Variants in QSER1 observed in about 807,000 individuals in gnomAD.
QSER1 encodes the protein glutamine and serine-rich protein 1.
Under a neutral mutation model 158.5 loss-of-function variants are expected in QSER1, and 49 were observed. That is an observed-to-expected ratio of 0.31 (90% CI 0.25 to 0.39). QSER1 has a LOEUF of 0.39. Ranked by LOEUF, QSER1 falls within the 10% of genes least tolerant of loss-of-function variation. QSER1 has a pLI of 1.00. For synonymous variants in QSER1, 650 were observed against 715.5 expected, an observed-to-expected ratio of 0.91 and a Z score of 1.46; for missense variants, 1,754 against 2,010.3, an observed-to-expected ratio of 0.87 and a Z score of 2.44.
chr11:32,935,431 A>G lies in QSER1; in HGVS notation c.4173A>G (p.Lys1391=). 1 of 1,499,756 alleles carries G rather than the reference A, an allele frequency of 6.7e-7. No individual in the cohort carries two copies. The highest frequency in any genetic ancestry group is 2.3e-5 in the East Asian group (1 of 43,640). The allele number at this position is 1,499,756 out of a possible 1,614,324, so 92.9% of individuals were successfully genotyped here. Residue 1391 remains lysine (K), a synonymous_variant, in exon 4 of 13, where the codon AAA becomes AAG. Transcript: ENST00000650167. ...ATGCTACTTCTGATAAAAAGAAGAA[A>G]ACAGGTAAAGTTTTACAATTTAGAT... ...TLDATSDKKK[K]TEALQVATTS...
At position 32,892,899 on chromosome 11, in the gene QSER1, C is replaced by T. The variant is rs1416179625; in HGVS notation, c.-227C>T. Reference sequence around the variant, plus strand: ...CCCGGCCGCGGGTGCCTCCGCTTCCCTGACGCCCAGCTGGGGCCTCGCCGC... The same window carrying T: ...CCCGGCCGCGGGTGCCTCCGCTTCCTTGACGCCCAGCTGGGGCCTCGCCGC... On this transcript the variant is annotated 5_prime_UTR_variant, in exon 1 of 13. Coordinates refer to ENST00000650167, the MANE Select transcript of QSER1 (RefSeq NM_001076786.3). Among the ~76,000 whole-genome samples, 1 of 142,978 alleles carries T rather than the reference C, an allele frequency of 7.0e-6. No individual in the cohort carries two copies. The highest frequency in any genetic ancestry group is 1.5e-5 in the Non-Finnish European group (1 of 65,042). The allele number at this position is 142,978 out of a possible 152,430, so 93.8% of individuals were successfully genotyped here.
intron 1 of QSER1, among the ~76,000 whole-genome samples, chr11:32,914,562 T>C (rs754167323): frequency 1.3e-5 from 2 of 152,250 alleles, no homozygotes; most frequent in Non-Finnish European, 2.9e-5. Context: ...ACTGGCTTGT[T>C]TTCTCAGATT....
intron 1 of QSER1, among the ~76,000 whole-genome samples, chr11:32,923,949 A>G (rs537593904): frequency 6.6e-6 from 1 of 152,298 alleles, no homozygotes; most frequent in Non-Finnish European, 1.5e-5. Flanking sequence ...GCCTGGCGAC[A>G]GAGCAAGACT....
intron 8 of QSER1, among the ~76,000 whole-genome samples, chr11:32,960,810 GTTCC>G (rs1852609996): frequency 6.6e-6 from 1 of 152,116 alleles, no homozygotes; most frequent in South Asian, 2.1e-4. Flanking sequence ...AGGCCTTTTT[GTTCC>G]TTGCTTTACA....
chr11:32,927,598 G>A (rs1851989738), intron 2 of QSER1, among the ~76,000 whole-genome samples: 3 of 152,034 alleles, frequency 2.0e-5, no homozygotes, highest in South Asian at 2.1e-4. Flanking sequence ...TAGTAGAGGC[G>A]GGGTTTCACC....
chr11:32,976,483 C>T lies in QSER1; in HGVS notation c.*9C>T, dbSNP rs778859008. The T allele has an allele frequency of 3.1e-6, 5 of 1,609,270 alleles. No individual in the cohort carries two copies. The highest frequency in any genetic ancestry group is 2.2e-5 in the East Asian group (1 of 44,638). On this transcript the variant is annotated 3_prime_UTR_variant, in exon 13 of 13. Coordinates refer to ENST00000650167, the MANE Select transcript of QSER1 (RefSeq NM_001076786.3). ...AGCAGAAATGTTCCTGACTTTTCCA[C>T]AAAAATCCCATCTTTTTATAGCACT...
chr11:32,964,717 CATATATATATAT>C (rs375985842), intron 8 of QSER1, among the ~76,000 whole-genome samples: 10 of 64,262 alleles, frequency 1.6e-4, no homozygotes, highest in Non-Finnish European at 2.6e-4. Context: ...AAAAAAACAC[CATATATATATAT>C]ATATATATAT....
At chr11:32,957,746 A>AT (rs1852545290) in intron 7 of QSER1, 123 bp from the exon 8 acceptor site, 2 of 795,080 alleles carry the variant, frequency 2.5e-6, no homozygotes, top group African/African-American at 3.5e-5. Flanking sequence ...TGGACTGTAT[A>AT]TTTTGAAGGT....
At chr11:32,970,323 C>T (rs920993234) in intron 10 of QSER1, among the ~76,000 whole-genome samples, 3 of 151,962 alleles carry the variant, frequency 2.0e-5, no homozygotes, top group East Asian at 3.8e-4. Flanking sequence ...GCCATGTATT[C>T]GCAGGAAGAA....
intron 1 of QSER1, chr11:32,926,755 CT>C (rs1325045423): frequency 2.6e-5 from 4 of 152,130 alleles, no homozygotes; most frequent in Non-Finnish European, 4.4e-5. Context: ...GTTATTTCAT[CT>C]GGTCCTTTTT....
In QSER1 at chr11:32,978,478, A is replaced by C. The variant is rs147265575; in HGVS notation, c.*2004A>C. ...CAGCCTACGTTCCTAAATCATTGAT[A>C]ATTTAAATATTTTTTAAAGCCACCT... On this transcript the variant is annotated 3_prime_UTR_variant, in exon 13 of 13. Coordinates refer to ENST00000650167, the MANE Select transcript of QSER1 (RefSeq NM_001076786.3). 2.6e-5 allele frequency: 4 copies of C among 152,346 alleles called. No individual in the cohort carries two copies. The East Asian group carries it at 7.7e-4, about 29-fold the overall frequency. 9.4% of individuals were successfully genotyped at this position (152,346 alleles called of 1,614,324 possible). A position where few individuals can be genotyped will look rare whatever the true frequency, so the allele number is the denominator to read the frequency against.
Position 32,934,482 on chromosome 11 carries a change from A to T in QSER1, c.3224A>T (p.His1075Leu). 6.2e-7 allele frequency: 1 copy of T among 1,613,716 alleles called. No homozygotes were observed. Among genetic ancestry groups the T allele is most frequent in the Non-Finnish European group, 8.5e-7 (1 of 1,179,996 alleles). Reference protein sequence around the residue: ...LQSKMTLDQQHIETPGQNIPT... With the variant: ...LQSKMTLDQQLIETPGQNIPT... ...TCAAAAATGACTCTTGATCAACAGC[A>T]CATTGAAACACCTGGTCAAAATATA... The change falls in exon 4 of 13, where the codon CAC becomes CTC. Residue 1075 changes from histidine (H) to leucine (L), a missense_variant. Around this residue, in one of 2 missense-constraint regions of QSER1, gnomAD observed 1,707 missense variants for 1,919.6 expected, o/e 0.89. Coordinates refer to ENST00000650167, the MANE Select transcript of QSER1 (RefSeq NM_001076786.3).
intron 4 of QSER1, among the ~76,000 whole-genome samples, chr11:32,948,084 C>T (rs578229171): frequency 1.4e-4 from 21 of 152,142 alleles, no homozygotes; most frequent in African/African-American, 4.8e-4. Flanking sequence ...ACAGTGCAGC[C>T]GTTTCTAGAA....
chr11:32,906,129 TA>T (rs150321071), intron 1 of QSER1, among the ~76,000 whole-genome samples: 1 of 150,344 alleles, frequency 6.7e-6, no homozygotes, highest in Admixed American at 6.6e-5. Flanking sequence ...TTTTTTAAGT[TA>T]AAAAAATTTG....
At chr11:32,959,576 G>A (rs760528489) in intron 8 of QSER1, among the ~76,000 whole-genome samples, 19 of 152,158 alleles carry the variant, frequency 1.2e-4, no homozygotes, top group Non-Finnish European at 2.2e-4. Flanking sequence ...AGATATTCAG[G>A]ATGTAATTTT....
intron 4 of QSER1, among the ~76,000 whole-genome samples, chr11:32,953,453 A>C (rs765336157): frequency 1.3e-5 from 2 of 152,034 alleles, no homozygotes; most frequent in Non-Finnish European, 2.9e-5. Flanking sequence ...TCCTGGGCCC[A>C]AGCAATTTTC....
intron 1 of QSER1, among the ~76,000 whole-genome samples, chr11:32,905,885 A>G (rs931119713): frequency 1.3e-5 from 2 of 152,282 alleles, no homozygotes; most frequent in Admixed American, 6.5e-5. Context: ...AGATATGCTT[A>G]TTAGGGAAAA....
At chr11:32,901,332 G>A (rs966482169) in intron 1 of QSER1, among the ~76,000 whole-genome samples, 1 of 152,190 alleles carries the variant, frequency 6.6e-6, no homozygotes, top group African/African-American at 2.4e-5. Context: ...TTCAATGAAT[G>A]AATGAAATAA....
intron 8 of QSER1, among the ~76,000 whole-genome samples, chr11:32,958,471 T>A (rs1029116955): frequency 2.0e-5 from 3 of 152,002 alleles, no homozygotes; most frequent in Non-Finnish European, 4.4e-5. Flanking sequence ...CACTGCAGCC[T>A]CGAACACCTG....
Sources: gnomAD v4.1 joint callset for allele counts (sites outside exome capture counted in the v4.1 genomes callset) on GRCh38, gnomAD v4.1.1 for gene constraint, gnomAD v4.1.1 regional missense constraint, MANE v1.5 for transcripts, NCBI Gene and HGNC (gene_info 2026-07-23, HGNC 2026-07-21) for gene names.